The following PRKCA variants were observed in gnomAD, a reference collection of about 807,000 sequenced individuals.
The protein encoded by PRKCA is protein kinase C alpha.
Under a neutral mutation model 87.0 loss-of-function variants are expected in PRKCA, and 27 were observed. The observed-to-expected ratio is 0.31, with a 90% confidence interval of 0.23 to 0.43. PRKCA has a LOEUF of 0.43. Ranked by LOEUF, PRKCA falls within the 20% of genes least tolerant of loss-of-function variation. PRKCA has a pLI of 1.00. For missense variants in PRKCA, 518 were observed against 852.3 expected, an observed-to-expected ratio of 0.61 and a Z score of 4.88; for synonymous variants, 329 against 311.1, an observed-to-expected ratio of 1.06 and a Z score of -0.61.
At chr17:66,539,499 G>A (rs888182310) in intron 3 of PRKCA, among the ~76,000 whole-genome samples, 1 of 151,730 alleles carries the variant, frequency 6.6e-6, no homozygotes, top group Admixed American at 6.6e-5. Context: ...CGCCTCTCAG[G>A]TTCACGCCAT....
chr17:66,446,778 G>A (rs1458958600), intron 2 of PRKCA, among the ~76,000 whole-genome samples: 1 of 152,150 alleles, frequency 6.6e-6, no homozygotes. Flanking sequence ...GGGCTGCAGT[G>A]GAAGAGGATC....
chr17:66,764,773 G>A (rs1362518498), intron 13 of PRKCA, among the ~76,000 whole-genome samples: 4 of 152,194 alleles, frequency 2.6e-5, no homozygotes, highest in Admixed American at 6.5e-5. Context: ...CCAGATTGGC[G>A]TCACAGCCCC....
chr17:66,538,653 T>A (rs371263777), intron 3 of PRKCA, among the ~76,000 whole-genome samples: 32 of 152,320 alleles, frequency 2.1e-4, no homozygotes, highest in African/African-American at 7.7e-4. Flanking sequence ...TCTGGTGGGA[T>A]CTCCAGCAGT....
intron 2 of PRKCA, among the ~76,000 whole-genome samples, chr17:66,474,013 T>C (rs1420011120): frequency 3.9e-5 from 6 of 152,144 alleles, no homozygotes; most frequent in Non-Finnish European, 8.8e-5. Context: ...ACTGTGTGAC[T>C]TTGCAATTTA....
At chr17:66,623,702 G>A (rs1970760237) in intron 3 of PRKCA, among the ~76,000 whole-genome samples, 1 of 152,186 alleles carries the variant, frequency 6.6e-6, no homozygotes, top group Non-Finnish European at 1.5e-5. Context: ...AATGGAATAA[G>A]AAAGATAAAG....
chr17:66,324,677 TA>T (rs377041590), intron 2 of PRKCA, among the ~76,000 whole-genome samples: 15 of 152,176 alleles, frequency 9.9e-5, no homozygotes, highest in African/African-American at 3.6e-4. Flanking sequence ...TCCAATGTGA[TA>T]AAAAAAGCAG....
At chr17:66,770,431 T>C (rs773209484) in intron 13 of PRKCA, among the ~76,000 whole-genome samples, 56 of 152,342 alleles carry the variant, frequency 3.7e-4, no homozygotes, top group Non-Finnish European at 6.6e-4. Context: ...TTATATGGTA[T>C]AGCAGTTCTG....
At chr17:66,763,967 C>T (rs1974741212) in intron 13 of PRKCA, among the ~76,000 whole-genome samples, 1 of 152,198 alleles carries the variant, frequency 6.6e-6, no homozygotes, top group South Asian at 2.1e-4. Context: ...CTCATGTAAA[C>T]TGGGCGAGTA....
At chr17:66,781,849 TGA>T (rs56164343) in intron 14 of PRKCA, among the ~76,000 whole-genome samples, 2,633 of 131,064 alleles carry the variant, frequency 0.02, 40 homozygotes, top group African/African-American at 0.05. Context: ...GTAAATTTTG[TGA>T]GAGAGAGAGA....
chr17:66,494,872 G>A (rs997852066), intron 2 of PRKCA, among the ~76,000 whole-genome samples: 4 of 152,122 alleles, frequency 2.6e-5, no homozygotes, highest in Non-Finnish European at 5.9e-5. Flanking sequence ...GGAAGCCAAG[G>A]TGGACAGATT....
chr17:66,466,224 G>A (rs754987237), intron 2 of PRKCA, among the ~76,000 whole-genome samples: 5 of 152,132 alleles, frequency 3.3e-5, no homozygotes, highest in Admixed American at 6.5e-5. Flanking sequence ...TTCTGTAGTC[G>A]GTGAATGAAA....
At chr17:66,660,122 A>G (rs569689885) in intron 5 of PRKCA, among the ~76,000 whole-genome samples, 1 of 151,986 alleles carries the variant, frequency 6.6e-6, no homozygotes, top group Non-Finnish European at 1.5e-5. Context: ...GGATCAACAA[A>G]AAAAAAAACA....
chr17:66,621,268 G>A (rs1200788528), intron 3 of PRKCA, among the ~76,000 whole-genome samples: 2 of 152,140 alleles, frequency 1.3e-5, no homozygotes, highest in Non-Finnish European at 2.9e-5. Flanking sequence ...GCATTTACTT[G>A]TCAACACTGT....
chr17:66,714,212 G>A (rs1472454181), intron 8 of PRKCA, among the ~76,000 whole-genome samples: 6 of 152,042 alleles, frequency 3.9e-5, no homozygotes, highest in Non-Finnish European at 8.8e-5. Context: ...TCCCAGCCAT[G>A]TTCCCCCCCA....
At chr17:66,774,153 G>A (rs1974997685) in intron 14 of PRKCA, 86 bp downstream of exon 14, 1 of 1,604,718 alleles carries the variant, frequency 6.2e-7, no homozygotes, top group African/African-American at 1.3e-5. Context: ...AGCAAGACCT[G>A]ACGTTTTAGT....
intron 2 of PRKCA, among the ~76,000 whole-genome samples, chr17:66,405,932 T>C (rs1440224409): frequency 2.6e-5 from 4 of 152,194 alleles, no homozygotes; most frequent in Non-Finnish European, 5.9e-5. Context: ...GGACAATTAT[T>C]ATGGTTGGTG....
chr17:66,659,878 C>G (rs1403002560), intron 5 of PRKCA, among the ~76,000 whole-genome samples: 1 of 152,200 alleles, frequency 6.6e-6, no homozygotes, highest in African/African-American at 2.4e-5. Context: ...GAGAATTGAG[C>G]AGCTCGTGCT....
intron 2 of PRKCA, among the ~76,000 whole-genome samples, chr17:66,316,986 CA>C: frequency 6.6e-6 from 1 of 151,876 alleles, no homozygotes; most frequent in East Asian, 1.9e-4. Flanking sequence ...ACTAAAAATA[CA>C]AAAAATTAGC....
At chr17:66,768,029 G>A (rs77760529) in intron 13 of PRKCA, among the ~76,000 whole-genome samples, 12,890 of 152,118 alleles carry the variant, frequency 0.085, 812 homozygotes, top group East Asian at 0.2. Flanking sequence ...ATCTCAGCTC[G>A]CTGTAAACTC....
Sources: allele counts gnomAD v4.1 joint callset (sites outside exome capture counted in the v4.1 genomes callset), GRCh38; gene constraint gnomAD v4.1.1; transcripts MANE v1.5; gene names NCBI Gene and HGNC (gene_info 2026-07-23, HGNC 2026-07-21).